The following PPP6R2 variants were observed in gnomAD, a reference collection of about 807,000 sequenced individuals.
The protein encoded by PPP6R2 is protein phosphatase 6 regulatory subunit 2, also known as serine/threonine-protein phosphatase 6 regulatory subunit 2.
A neutral mutation model predicts 100.2 loss-of-function variants in PPP6R2; 62 were observed. The observed-to-expected ratio is 0.62, with a 90% CI of 0.50 to 0.76. The LOEUF is 0.76. PPP6R2 is among the 30% of genes least tolerant of loss of function. PPP6R2 has a pLI of 0.00. For synonymous variants in PPP6R2, 525 were observed against 514.7 expected (o/e 1.02, Z -0.27); for missense variants, 1,142 against 1,276.3 (o/e 0.89, Z 1.60).
chr22:50,439,939 C>G, intron 20 of PPP6R2, 22 bp from the exon 21 acceptor site: 1 of 1,612,338 alleles, frequency 6.2e-7, no homozygotes, highest in Non-Finnish European at 8.5e-7. Context: ...AGGACTGATC[C>G]TGTCCTCGTC....
intron 4 of PPP6R2, among the ~76,000 whole-genome samples, chr22:50,409,997 G>A (rs2059516425): frequency 1.3e-5 from 2 of 151,980 alleles, no homozygotes; most frequent in African/African-American, 4.8e-5. Flanking sequence ...CAAAGTGCTG[G>A]GATTACAGGT....
chr22:50,437,488 T>G lies in PPP6R2; in HGVS notation c.1684-18T>G. On this transcript the variant is annotated intron_variant, in intron 15 of 23. Transcript: ENST00000612753. ...TGACCGGTGTCTGTCCGTCCCTCCC[T>G]CCCTCCCTCCCTCCCAGGCCTTCTC... 1 of 369,128 alleles carries G rather than the reference T, an allele frequency of 2.7e-6. No homozygotes were observed. Among genetic ancestry groups the G allele is most frequent in the South Asian group, 2.1e-5 (1 of 48,538 alleles). 22.9% of individuals were successfully genotyped at this position (369,128 alleles called of 1,614,324 possible).
chr22:50,398,251 A>G (rs2057427784), intron 3 of PPP6R2, among the ~76,000 whole-genome samples: 1 of 149,330 alleles, frequency 6.7e-6, no homozygotes, highest in Non-Finnish European at 1.5e-5. Flanking sequence ...GGTTCACTAC[A>G]ACCTCCGCGT....
At chr22:50,401,961 C>T (rs1260382704) in intron 3 of PPP6R2, among the ~76,000 whole-genome samples, 1 of 152,140 alleles carries the variant, frequency 6.6e-6, no homozygotes, top group African/African-American at 2.4e-5. Flanking sequence ...AGAGCAGTTT[C>T]TTATTCTCAT....
rs1237132658 is a variant in PPP6R2 at position 50,424,421 on chromosome 22, C to T, written c.1125+807C>T. On this transcript the variant is annotated intron_variant, in intron 10 of 23. Transcript: ENST00000612753. ...TCCGTCAGTGTGTGGAAGGTCCGTC[C>T]GCGTGTGGAAGGTCCGTCCGCGTGT... Among the ~76,000 whole-genome samples the T allele has an allele frequency of 7.2e-5, 7 of 96,666 alleles. 1 individual carries two copies. Among genetic ancestry groups the T allele is most frequent in the African/African-American group, 4.1e-5 (1 of 24,184 alleles). 63.4% of individuals were successfully genotyped at this position (96,666 alleles called of 152,430 possible).
chr22:50,387,231 T>G (rs900390080), intron 2 of PPP6R2, among the ~76,000 whole-genome samples: 1 of 151,930 alleles, frequency 6.6e-6, no homozygotes, highest in African/African-American at 2.4e-5. Context: ...CCAGCTAGTT[T>G]TTAAAACTTT....
chr22:50,331,769 C>T, the PPP6R2 span, among the ~76,000 whole-genome samples: 5 of 152,110 alleles, frequency 3.3e-5, no homozygotes, highest in Non-Finnish European at 7.4e-5. Flanking sequence ...ATTACAGATG[C>T]ATGCTACCAT....
intron 3 of PPP6R2, among the ~76,000 whole-genome samples, chr22:50,396,630 C>T (rs995791177): frequency 4.6e-5 from 7 of 152,196 alleles, no homozygotes; most frequent in African/African-American, 1.7e-4. Context: ...CGTTGAGCAG[C>T]TCCAGCAGGG....
intron 5 of PPP6R2, among the ~76,000 whole-genome samples, chr22:50,415,646 G>A (rs1366283208): frequency 1.3e-5 from 2 of 152,262 alleles, no homozygotes; most frequent in African/African-American, 4.8e-5. Context: ...CTCACACTGG[G>A]CCCCCGTTGC....
At chr22:50,427,388 G>A (rs759620052) in intron 10 of PPP6R2, among the ~76,000 whole-genome samples, 1 of 152,144 alleles carries the variant, frequency 6.6e-6, no homozygotes, top group Non-Finnish European at 1.5e-5. Flanking sequence ...GTCATCCCGT[G>A]AGATTCTGTA....
At chr22:50,346,869 C>T (rs1335563354) in intron 1 of PPP6R2, among the ~76,000 whole-genome samples, 3 of 150,342 alleles carry the variant, frequency 2.0e-5, no homozygotes, top group Admixed American at 2.0e-4. Flanking sequence ...CCCCACTTCC[C>T]ATCAGTGCCT....
chr22:50,394,446 T>A (rs199824162), intron 3 of PPP6R2, among the ~76,000 whole-genome samples: 7 of 142,340 alleles, frequency 4.9e-5, no homozygotes, highest in African/African-American at 7.6e-5. Context: ...TTTTTTTTTT[T>A]AAATTAGCCA....
chr22:50,416,904 C>T (rs141897411), intron 6 of PPP6R2, among the ~76,000 whole-genome samples: 5 of 151,360 alleles, frequency 3.3e-5, no homozygotes, highest in Admixed American at 6.6e-5. Context: ...TGCAGTGAGC[C>T]GAGATCACAC....
intron 1 of PPP6R2, among the ~76,000 whole-genome samples, chr22:50,349,815 T>TAA (rs1285843500): frequency 8.7e-5 from 10 of 115,464 alleles, no homozygotes; most frequent in Middle Eastern, 5.7e-3. Context: ...AACTCCATCT[T>TAA]AAAAAAAAAA....
At chr22:50,343,181 G>T, upstream of PPP6R2, 1 of 151,876 alleles carries the variant, frequency 6.6e-6, no homozygotes, top group South Asian at 2.0e-4. Context: ...GCTCCCACGC[G>T]GGTTTCACCG....
chr22:50,341,935 G>A (rs1569223448), upstream of PPP6R2, among the ~76,000 whole-genome samples: 1 of 151,942 alleles, frequency 6.6e-6, no homozygotes. Flanking sequence ...GGAGCTTGCA[G>A]TGAGCCGAGA....
At chr22:50,436,594 C>T in intron 14 of PPP6R2, 142 bp downstream of exon 14, 1 of 797,092 alleles carries the variant, frequency 1.3e-6, no homozygotes, top group Non-Finnish European at 2.1e-6. Context: ...TGCGGTGCCC[C>T]TGCATAGTGT....
chr22:50,392,471 C>T (rs1283232751), intron 2 of PPP6R2, among the ~76,000 whole-genome samples: 2 of 152,218 alleles, frequency 1.3e-5, no homozygotes, highest in East Asian at 3.8e-4. Context: ...CTGGGCTCTT[C>T]ACCTCTAAGC....
intron 2 of PPP6R2, among the ~76,000 whole-genome samples, chr22:50,377,471 A>T (rs2051857451): frequency 6.6e-6 from 1 of 152,050 alleles, no homozygotes; most frequent in South Asian, 2.1e-4. Flanking sequence ...TTCAGTGTGT[A>T]CAGGTTTAAT....
Sources: gnomAD v4.1 joint callset for allele counts (sites outside exome capture counted in the v4.1 genomes callset) on GRCh38, gnomAD v4.1.1 for gene constraint, MANE v1.5 for transcripts, NCBI Gene and HGNC (gene_info 2026-07-23, HGNC 2026-07-21) for gene names.